Variants in TIAM1 observed in about 807,000 individuals in gnomAD.
TIAM1 encodes rho guanine nucleotide exchange factor TIAM1.
A neutral mutation model predicts 163.5 loss-of-function variants in TIAM1; 65 were observed. The ratio of observed to expected loss-of-function variants is 0.40; its 90% CI spans 0.33 to 0.49. The LOEUF is 0.49. Ranked by LOEUF, TIAM1 falls within the 20% of genes least tolerant of loss-of-function variation. The pLI is 0.77. For synonymous variants in TIAM1, 833 were observed against 810.1 expected (o/e 1.03, Z -0.48); for missense variants, 1,789 against 2,044.7 (o/e 0.87, Z 2.41).
chr21:31,243,270 AAAAAT>A (rs2071316086), intron 6 of TIAM1, among the ~76,000 whole-genome samples: 2 of 147,604 alleles, frequency 1.4e-5, no homozygotes, highest in African/African-American at 4.9e-5. Context: ...ATAAATATAA[AAAAAT>A]AAAAATAACC....
chr21:31,292,611 C>A (rs1029141772), intron 2 of TIAM1, among the ~76,000 whole-genome samples: 2 of 151,386 alleles, frequency 1.3e-5, no homozygotes, highest in African/African-American at 4.9e-5. Context: ...CTCAAGTGAT[C>A]CACCCGCCTC....
intron 1 of TIAM1, among the ~76,000 whole-genome samples, chr21:31,341,639 C>A (rs1490099274): frequency 6.6e-6 from 1 of 152,160 alleles, no homozygotes; most frequent in Non-Finnish European, 1.5e-5. Context: ...CACCTTGGAA[C>A]AATTTGGTCC....
chr21:31,363,440 T>C (rs73902317), intron 2 of TIAM1, among the ~76,000 whole-genome samples: 2,833 of 152,168 alleles, frequency 0.019, 76 homozygotes, highest in African/African-American at 0.06. Context: ...TTTAAATGGT[T>C]TTACTGCTGA....
At position 31,292,835 on chromosome 21, in the gene TIAM1, A is replaced by C. The variant is rs189029257; in HGVS notation, c.-188-15927T>G. On this transcript the variant is annotated intron_variant, in intron 2 of 27. Coordinates refer to ENST00000541036, the MANE Select transcript of TIAM1 (RefSeq NM_001353694.2). ...AGGTGCGCACCACCACGCCTGGCTA[A>C]TTTTTGTATTTTTAGTAGAGACATG... Among the ~76,000 whole-genome samples the C allele has an allele frequency of 3.7e-3, 566 of 151,472 alleles. 1 individual carries two copies. The highest frequency in any genetic ancestry group is 5.7e-3 in the Non-Finnish European group (387 of 67,868).
intron 2 of TIAM1, among the ~76,000 whole-genome samples, chr21:31,419,499 C>T (rs2043490578): frequency 1.3e-5 from 2 of 152,200 alleles, no homozygotes; most frequent in South Asian, 4.1e-4. Flanking sequence ...TACAAGTGAG[C>T]TGTTAATACT....
chr21:31,383,277 C>T, intron 2 of TIAM1, among the ~76,000 whole-genome samples: 1 of 152,240 alleles, frequency 6.6e-6, no homozygotes, highest in East Asian at 1.9e-4. Flanking sequence ...TCCATAAATT[C>T]AGAATACTTA....
rs765031872 is a variant in TIAM1 at position 31,164,965 on chromosome 21, G to C, written c.2988C>G (p.Ser996Arg). Residue 996 changes from serine to arginine, a missense_variant, in exon 16 of 28, where the codon AGC (serine) becomes AGG (arginine). This residue lies in a region of TIAM1 where 303 missense variants were observed against 321.3 expected (regional missense o/e 0.94). Transcript: ENST00000541036. Reference sequence around the variant, plus strand: ...TGTGAAAATGAAAATCTCTCACCTTGCTGCTGTGATCAGTCTCATCTGAGG... The same window carrying C: ...TGTGAAAATGAAAATCTCTCACCTTCCTGCTGTGATCAGTCTCATCTGAGG... ...LESSDETDHS[S>R]KSTEQVAAFC... is the part of the protein sequence containing the mutation. 1 of 1,613,982 alleles carries C rather than the reference G, an allele frequency of 6.2e-7. No homozygotes were observed. The highest frequency in any genetic ancestry group is 1.1e-5 in the South Asian group (1 of 91,078).
chr21:31,342,151 C>A (rs2076039393), intron 1 of TIAM1, among the ~76,000 whole-genome samples: 1 of 151,486 alleles, frequency 6.6e-6, no homozygotes, highest in African/African-American at 2.4e-5. Context: ...AACAAATTTA[C>A]AATTTAAAAA....
intron 1 of TIAM1, among the ~76,000 whole-genome samples, chr21:31,479,864 CTTT>C (rs990940806): frequency 6.6e-6 from 1 of 152,070 alleles, no homozygotes; most frequent in Non-Finnish European, 1.5e-5. Flanking sequence ...TGTTTTCCCT[CTTT>C]TAGAAAAGCC....
At chr21:31,427,135 G>A (rs2043820915) in intron 2 of TIAM1, among the ~76,000 whole-genome samples, 1 of 151,956 alleles carries the variant, frequency 6.6e-6, no homozygotes, top group Admixed American at 6.6e-5. Flanking sequence ...GCCCAGGTTG[G>A]ACAAATTCCT....
intron 2 of TIAM1, among the ~76,000 whole-genome samples, chr21:31,377,865 G>A (rs1385955411): frequency 1.3e-5 from 2 of 151,496 alleles, no homozygotes; most frequent in South Asian, 2.1e-4. Context: ...GGCCAGGTGC[G>A]GTGGCTCACA....
At chr21:31,509,790 C>T (rs931890737) in intron 1 of TIAM1, among the ~76,000 whole-genome samples, 8 of 152,190 alleles carry the variant, frequency 5.3e-5, no homozygotes, top group African/African-American at 1.7e-4. Flanking sequence ...AGGGGCGCCC[C>T]CTACCTGGAA....
chr21:31,465,575 CTTT>C (rs71193124), intron 1 of TIAM1, among the ~76,000 whole-genome samples: 2 of 145,684 alleles, frequency 1.4e-5, no homozygotes, highest in African/African-American at 2.5e-5. Context: ...TAGTGATCTT[CTTT>C]TTTTTTTTTT....
At chr21:31,464,652 G>A (rs2045457025) in intron 1 of TIAM1, among the ~76,000 whole-genome samples, 1 of 151,562 alleles carries the variant, frequency 6.6e-6, no homozygotes, top group Non-Finnish European at 1.5e-5. Flanking sequence ...AGACCAGCCT[G>A]GCCAACATGG....
intron 7 of TIAM1, 43 bp downstream of exon 7, chr21:31,225,683 A>G: frequency 6.8e-7 from 1 of 1,476,240 alleles, no homozygotes; most frequent in Non-Finnish European, 9.3e-7. Context: ...CCTTTTAGAG[A>G]CCTAACAATT....
At chr21:31,297,525 G>T (rs2146942667) in intron 2 of TIAM1, among the ~76,000 whole-genome samples, 2 of 152,332 alleles carry the variant, frequency 1.3e-5, no homozygotes, top group Middle Eastern at 3.4e-3. Context: ...CTCCTGAGTA[G>T]CTGGGATTAC....
intron 2 of TIAM1, among the ~76,000 whole-genome samples, chr21:31,402,933 C>G (rs1555969385): frequency 3.9e-5 from 6 of 152,016 alleles, no homozygotes; most frequent in Non-Finnish European, 7.4e-5. Context: ...GCCTGGGCGA[C>G]AGAGTGAGAC....
At chr21:31,158,742 G>C (rs2083750558) in intron 16 of TIAM1, among the ~76,000 whole-genome samples, 1 of 152,100 alleles carries the variant, frequency 6.6e-6, no homozygotes, top group Non-Finnish European at 1.5e-5. Flanking sequence ...CTCTAAGCTA[G>C]AGATTTTTCC....
intron 7 of TIAM1, 21 bp downstream of exon 7, chr21:31,225,705 T>C: frequency 6.3e-6 from 10 of 1,583,270 alleles, no homozygotes; most frequent in Non-Finnish European, 7.8e-6. Context: ...TGTCCGGACC[T>C]AAACACGGAA....
Sources: gnomAD v4.1 joint callset for allele counts (sites outside exome capture counted in the v4.1 genomes callset) on GRCh38, gnomAD v4.1.1 for gene constraint, gnomAD v4.1.1 regional missense constraint, MANE v1.5 for transcripts, NCBI Gene and HGNC (gene_info 2026-07-23, HGNC 2026-07-21) for gene names.